The following NEK11 variants were observed in gnomAD, a reference collection of about 807,000 sequenced individuals.
The protein encoded by NEK11 is NIMA related kinase 11.
In NEK11, 72 loss-of-function variants were observed where a neutral mutation model predicts 80.7. The ratio of observed to expected loss-of-function variants is 0.89; its 90% CI spans 0.74 to 1.08. The LOEUF (loss-of-function observed/expected upper bound fraction) is 1.08. NEK11 is among the 50% of genes least tolerant of loss of function. The probability of loss-of-function intolerance (pLI) is 0.00; values close to 1 mark genes in which losing one functional copy is unlikely to be tolerated. For missense variants in NEK11, 764 were observed against 763.6 expected, an observed-to-expected ratio of 1.00 and a Z score of -0.01; for synonymous variants, 251 against 260.7, an observed-to-expected ratio of 0.96 and a Z score of 0.36.
chr3:131,164,948 T>G (rs2092058997), intron 11 of NEK11, among the ~76,000 whole-genome samples: 1 of 152,174 alleles, frequency 6.6e-6, no homozygotes, highest in Admixed American at 6.6e-5. Context: ...TTAAACTCAC[T>G]CTCCTGTAAT....
intron 3 of NEK11, among the ~76,000 whole-genome samples, chr3:131,059,490 A>T (rs1349642867): frequency 6.6e-6 from 1 of 152,210 alleles, no homozygotes; most frequent in Non-Finnish European, 1.5e-5. Flanking sequence ...CCTGGTTTTG[A>T]ACATGTAATA....
intron 3 of NEK11, among the ~76,000 whole-genome samples, chr3:131,031,986 G>T (rs1379695116): frequency 6.6e-6 from 1 of 150,546 alleles, no homozygotes; most frequent in African/African-American, 2.4e-5. Flanking sequence ...TTTTGAGGCG[G>T]AGTCTCACTC....
chr3:131,144,006 A>C (rs2087586408), intron 7 of NEK11, among the ~76,000 whole-genome samples: 2 of 152,172 alleles, frequency 1.3e-5, no homozygotes, highest in South Asian at 4.1e-4. Flanking sequence ...CTTCCTAACC[A>C]ACTAGAGTCA....
At chr3:131,121,120 A>T (rs1262037324) in intron 5 of NEK11, among the ~76,000 whole-genome samples, 1 of 152,078 alleles carries the variant, frequency 6.6e-6, no homozygotes, top group Non-Finnish European at 1.5e-5. Flanking sequence ...TTGTGGTTTT[A>T]TCTCCCTTTG....
At chr3:131,045,897 TTTG>T (rs1387110473) in intron 3 of NEK11, among the ~76,000 whole-genome samples, 2 of 152,180 alleles carry the variant, frequency 1.3e-5, no homozygotes, top group Non-Finnish European at 2.9e-5. Flanking sequence ...TGTTTTAAAG[TTTG>T]TTTTGTCTGA....
rs1360848486 is a variant in NEK11, at chr3:131,273,469, G to A, written c.1622-9G>A. The A allele has an allele frequency of 3.1e-6, 5 of 1,611,936 alleles. No individual in the cohort carries two copies. The highest frequency in any genetic ancestry group is 4.2e-6 in the Non-Finnish European group (5 of 1,178,144). ...ATGAAGTCAATAAGGGCTGTGCATT[G>A]ATTTTCAGACACAAAGACCATCACC... On this transcript the variant is annotated splice_polypyrimidine_tract_variant and intron_variant, in intron 16 of 17. Coordinates refer to ENST00000383366, the MANE Select transcript of NEK11 (RefSeq NM_024800.5).
chr3:131,168,523 AT>A (rs1269814070), intron 12 of NEK11, among the ~76,000 whole-genome samples: 2 of 150,554 alleles, frequency 1.3e-5, no homozygotes, highest in Non-Finnish European at 3.0e-5. Context: ...CGCCCGGCTA[AT>A]TTTTTGTATT....
intron 14 of NEK11, among the ~76,000 whole-genome samples, chr3:131,204,526 T>G (rs1323447189): frequency 6.6e-6 from 1 of 152,136 alleles, no homozygotes; most frequent in Non-Finnish European, 1.5e-5. Flanking sequence ...TAGTCAGAAT[T>G]GAATTAGGGA....
chr3:131,300,130 T>A (rs537472241), intron 17 of NEK11, among the ~76,000 whole-genome samples: 1 of 152,308 alleles, frequency 6.6e-6, no homozygotes, highest in East Asian at 1.9e-4. Context: ...TGAAGATTAG[T>A]GATATTGAGC....
chr3:131,134,207 T>C, intron 7 of NEK11: 1 of 330,632 alleles, frequency 3.0e-6, no homozygotes. Context: ...CAAGGGAAAG[T>C]TCTTAATGTA....
intron 10 of NEK11, among the ~76,000 whole-genome samples, chr3:131,157,548 G>A (rs755665881): frequency 2.0e-5 from 3 of 152,154 alleles, no homozygotes; most frequent in Non-Finnish European, 4.4e-5. Context: ...TTAGCATGAG[G>A]TAGGGGACAA....
chr3:131,140,302 T>G (rs1033139129), intron 7 of NEK11, among the ~76,000 whole-genome samples: 2 of 152,132 alleles, frequency 1.3e-5, no homozygotes, highest in Admixed American at 6.6e-5. Context: ...GAGACCAACA[T>G]GGAGAGGGCC....
chr3:131,129,029 C>A (rs1578761983), intron 5 of NEK11, among the ~76,000 whole-genome samples: 1 of 133,856 alleles, frequency 7.5e-6, no homozygotes, highest in Non-Finnish European at 1.6e-5. Context: ...TTTAATAGTT[C>A]TTTGTATATT....
At chr3:131,289,961 C>CA (rs1176682620) in intron 17 of NEK11, among the ~76,000 whole-genome samples, 4 of 152,208 alleles carry the variant, frequency 2.6e-5, no homozygotes, top group African/African-American at 4.8e-5. Flanking sequence ...AACATTATCT[C>CA]TGCAAGTCAA....
chr3:131,212,686 G>T (rs1164894698), intron 14 of NEK11, among the ~76,000 whole-genome samples: 1 of 152,182 alleles, frequency 6.6e-6, no homozygotes, highest in Non-Finnish European at 1.5e-5. Context: ...GAAGAGGCCT[G>T]GAATTCTACT....
chr3:131,251,909 G>A (rs894759510), intron 16 of NEK11, among the ~76,000 whole-genome samples: 5 of 152,176 alleles, frequency 3.3e-5, no homozygotes, highest in African/African-American at 1.2e-4. Flanking sequence ...TGTCTGGTGT[G>A]GAAACTCATA....
intron 16 of NEK11, among the ~76,000 whole-genome samples, chr3:131,266,548 A>T (rs565803739): frequency 6.6e-6 from 1 of 152,150 alleles, no homozygotes; most frequent in Non-Finnish European, 1.5e-5. Context: ...GTTCTAATTG[A>T]TTGCACTGTG....
At chr3:131,172,252 A>G (rs1199263368) in intron 14 of NEK11, among the ~76,000 whole-genome samples, 1 of 152,216 alleles carries the variant, frequency 6.6e-6, no homozygotes, top group African/African-American at 2.4e-5. Flanking sequence ...GGCCAGTTGC[A>G]CTCTGTGTTG....
chr3:131,310,104 T>G (rs897511897), intron 17 of NEK11, among the ~76,000 whole-genome samples: 6 of 151,072 alleles, frequency 4.0e-5, no homozygotes, highest in African/African-American at 1.5e-4. Flanking sequence ...ACAGGATTCA[T>G]TGGTTCACTG....
Sources: gnomAD v4.1 joint callset for allele counts (sites outside exome capture counted in the v4.1 genomes callset) on GRCh38, gnomAD v4.1.1 for gene constraint, MANE v1.5 for transcripts, NCBI Gene and HGNC (gene_info 2026-07-23, HGNC 2026-07-21) for gene names.